The following GRIP1 variants were observed in gnomAD, a reference collection of about 807,000 sequenced individuals.
GRIP1 encodes the protein glutamate receptor-interacting protein 1.
A neutral mutation model predicts 129.9 loss-of-function variants in GRIP1; 45 were observed. The observed-to-expected ratio is 0.35, with a 90% confidence interval of 0.27 to 0.44. GRIP1 has a LOEUF of 0.44. GRIP1 is among the 20% of genes least tolerant of loss of function. The pLI is 1.00. For missense variants in GRIP1, 1,196 were observed against 1,396.8 expected (o/e 0.86, Z 2.29); for synonymous variants, 530 against 520.8 (o/e 1.02, Z -0.24).
chr12:66,663,603 T>C (rs1282371852), intron 1 of GRIP1, among the ~76,000 whole-genome samples: 1 of 152,046 alleles, frequency 6.6e-6, no homozygotes, highest in Non-Finnish European at 1.5e-5. Flanking sequence ...AGGAGTCCAA[T>C]TCAACTACAG....
chr12:67,068,334 G>A (rs1230771709), intron 1 of GRIP1, among the ~76,000 whole-genome samples: 1 of 152,176 alleles, frequency 6.6e-6, no homozygotes, highest in East Asian at 1.9e-4. Flanking sequence ...GCCGCCTTTT[G>A]CAAAGAAAAT....
intron 1 of GRIP1, among the ~76,000 whole-genome samples, chr12:66,736,552 A>T (rs2036609447): frequency 6.6e-6 from 1 of 151,796 alleles, no homozygotes; most frequent in African/African-American, 2.4e-5. Context: ...GGTCATCATA[A>T]GGGTCTTCAT....
intron 2 of GRIP1, among the ~76,000 whole-genome samples, chr12:66,545,972 T>C (rs930025618): frequency 1.2e-4 from 18 of 152,274 alleles, no homozygotes; most frequent in South Asian, 1.0e-3. Context: ...GAGACAAACA[T>C]GTGCATGGAC....
chr12:66,395,544 A>C (rs2056755409), intron 16 of GRIP1, among the ~76,000 whole-genome samples: 1 of 152,248 alleles, frequency 6.6e-6, no homozygotes, highest in African/African-American at 2.4e-5. Context: ...TGATGAATAT[A>C]AAATGAAAGG....
chr12:66,512,798 A>G (rs577956563), intron 7 of GRIP1, among the ~76,000 whole-genome samples: 36 of 152,222 alleles, frequency 2.4e-4, no homozygotes, highest in African/African-American at 8.4e-4. Context: ...AATATTCAAT[A>G]TTGACAAACC....
chr12:67,002,057 C>T (rs2042558923), intron 1 of GRIP1, among the ~76,000 whole-genome samples: 1 of 152,038 alleles, frequency 6.6e-6, no homozygotes, highest in African/African-American at 2.4e-5. Context: ...AGAAAATATG[C>T]ACCCAGTTGT....
At chr12:66,863,080 C>T (rs1273577604) in intron 1 of GRIP1, among the ~76,000 whole-genome samples, 2 of 151,834 alleles carry the variant, frequency 1.3e-5, no homozygotes. Context: ...AGTCTAGGAC[C>T]AAAATATGGC....
At chr12:66,943,015 T>C (rs918582450) in intron 1 of GRIP1, among the ~76,000 whole-genome samples, 2 of 152,124 alleles carry the variant, frequency 1.3e-5, no homozygotes, top group Non-Finnish European at 2.9e-5. Context: ...GAGAGTTAAA[T>C]ATTGGTTGTT....
intron 1 of GRIP1, chr12:66,803,914 T>C (rs1447185158): frequency 3.1e-6 from 1 of 324,324 alleles, no homozygotes; most frequent in Non-Finnish European, 6.2e-6. Context: ...AAGCAAAACA[T>C]AGCACTTCAG....
intron 1 of GRIP1, among the ~76,000 whole-genome samples, chr12:67,030,166 G>A (rs371461332): frequency 1.7e-4 from 26 of 150,966 alleles, no homozygotes; most frequent in Middle Eastern, 3.5e-3. Flanking sequence ...AGCCAAGATC[G>A]CCCCACTGCA....
At position 67,024,582 on chromosome 12, in the gene GRIP1, TA is replaced by T. The variant is rs559821927; in HGVS notation, c.58+44467del. On this transcript the variant is annotated intron_variant, in intron 1 of 1. Coordinates refer to the GRIP1 transcript ENST00000643019. ...CCTGCCTATGTAATAAAGTGACTAC[TA>T]AAAAAAAAATCCTACCATCTTATTT... 2.3e-3 allele frequency among the ~76,000 whole-genome samples: 347 copies of T among 148,934 alleles called. 1 individual carries two copies. Among genetic ancestry groups the T allele is most frequent in the African/African-American group, 7.1e-3 (288 of 40,812 alleles).
chr12:66,921,085 C>T (rs113421325), intron 1 of GRIP1, among the ~76,000 whole-genome samples: 1,690 of 152,224 alleles, frequency 0.011, 28 homozygotes, highest in African/African-American at 0.037. Context: ...GCAGGTGATA[C>T]GTGAACCATT....
chr12:66,865,054 G>A (rs901997068), intron 1 of GRIP1, among the ~76,000 whole-genome samples: 5 of 152,094 alleles, frequency 3.3e-5, no homozygotes, highest in African/African-American at 9.7e-5. Context: ...TAGAAGTAAC[G>A]ATCTGCTGTG....
chr12:66,834,631 T>A (rs1034508562), intron 1 of GRIP1, among the ~76,000 whole-genome samples: 1 of 152,186 alleles, frequency 6.6e-6, no homozygotes, highest in African/African-American at 2.4e-5. Context: ...TACTTTAAAG[T>A]GCCTGAGGTT....
At chr12:66,912,206 A>G (rs1267393737) in intron 1 of GRIP1, among the ~76,000 whole-genome samples, 2 of 152,164 alleles carry the variant, frequency 1.3e-5, no homozygotes, top group Non-Finnish European at 2.9e-5. Context: ...TTACAAAGCT[A>G]TTACTGGATT....
chr12:66,787,107 T>C (rs55723331), intron 1 of GRIP1, among the ~76,000 whole-genome samples: 17,725 of 152,170 alleles, frequency 0.12, 1,357 homozygotes, highest in Middle Eastern at 0.24. Flanking sequence ...GACCCCTAAA[T>C]GGCCCCAGCT....
intron 1 of GRIP1, among the ~76,000 whole-genome samples, chr12:66,980,155 G>A (rs2042222916): frequency 6.6e-6 from 1 of 152,142 alleles, no homozygotes; most frequent in Non-Finnish European, 1.5e-5. Context: ...TACCTATGAG[G>A]ACATGAAATG....
At position 66,517,824 on chromosome 12, in the gene GRIP1, A is replaced by G; in HGVS notation, c.578+77T>C. 3.7e-6 allele frequency: 3 copies of G among 804,152 alleles called. No individual in the cohort carries two copies. The Admixed American group carries it at 5.6e-5, about 15-fold the overall frequency. The allele number at this position is 804,152 out of a possible 1,614,324, so 49.8% of individuals were successfully genotyped here. The stretch of plus-strand genomic sequence containing the variant: ...GCTACATTTTACTGTAAAATTTCTA[A>G]TTTATCAACTTCTATGTTAAAGTCC... On this transcript the variant is annotated intron_variant, in intron 6 of 24. Transcript: ENST00000359742.
intron 15 of GRIP1, among the ~76,000 whole-genome samples, chr12:66,417,628 G>T (rs2057655195): frequency 6.6e-6 from 1 of 152,106 alleles, no homozygotes. Context: ...AAAATCAGTA[G>T]CATTTCTATA....
Sources: gnomAD v4.1 joint callset for allele counts (sites outside exome capture counted in the v4.1 genomes callset) on GRCh38, gnomAD v4.1.1 for gene constraint, MANE v1.5 for transcripts, NCBI Gene and HGNC (gene_info 2026-07-23, HGNC 2026-07-21) for gene names.